CAPN2: variants seen among roughly 807,000 people sequenced by gnomAD.
CAPN2 encodes the protein calpain 2.
A neutral mutation model predicts 102.3 loss-of-function variants in CAPN2; 92 were observed. The observed-to-expected ratio is 0.90, with a 90% confidence interval of 0.76 to 1.07. The LOEUF (loss-of-function observed/expected upper bound fraction) is 1.07. CAPN2 is among the 50% of genes least tolerant of loss of function. The pLI, the probability that CAPN2 is intolerant of heterozygous loss-of-function variation, is 0.00. For missense variants in CAPN2, 800 were observed against 909.4 expected (o/e 0.88, Z 1.55); for synonymous variants, 340 against 355.4 (o/e 0.96, Z 0.49).
At chr1:223,770,103 A>G in intron 17 of CAPN2, 194 bp downstream of exon 17, 1 of 612,296 alleles carries the variant, frequency 1.6e-6, no homozygotes, top group South Asian at 1.9e-5. Context: ...TTCGCAGGTG[A>G]AATGGCCTAT....
Position 223,757,394 on chromosome 1 carries a change from A to G in CAPN2, c.1317+14A>G, listed in dbSNP as rs1661062839. 6.2e-7 allele frequency: 1 copy of G among 1,613,972 alleles called. No homozygotes were observed. On this transcript the variant is annotated intron_variant, in intron 11 of 20. Coordinates refer to ENST00000295006, the MANE Select transcript of CAPN2 (RefSeq NM_001748.5). ...GTTCCAGAGGAGGTACGTCTGGCCCATGTCCCGGGGTGCTCAGGTCACCAA... is the reference window on the plus strand; with the variant it reads ...GTTCCAGAGGAGGTACGTCTGGCCCGTGTCCCGGGGTGCTCAGGTCACCAA...
In CAPN2 at chr1:223,719,795, G is replaced by A. The variant is rs538470888; in HGVS notation, c.307+1964G>A. ...TTAGTAGCTAGTCTGTAATTTCTCA[G>A]GGGTGTGTGCGTGTGTGTGTGTGTG... On this transcript the variant is annotated intron_variant, in intron 2 of 20. Coordinates refer to ENST00000295006, the MANE Select transcript of CAPN2 (RefSeq NM_001748.5). Among the ~76,000 whole-genome samples, 41 of 129,494 alleles carry A rather than the reference G, an allele frequency of 3.2e-4. No homozygotes were observed. The South Asian group carries it at 0.011, about 35-fold the overall frequency. 85.0% of individuals were successfully genotyped at this position (129,494 alleles called of 152,430 possible). A position where few individuals can be genotyped will look rare whatever the true frequency, so the allele number is the denominator to read the frequency against.
Position 223,766,378 on chromosome 1 carries a change from A to AG in CAPN2, c.1702_1703insG (p.Lys568ArgfsTer15). ...ATTTTGTCTTTTAGGCCAAGATATC[A>AG]AGTCAGATGGCTTCAGCATCGAGAC... On this transcript the variant is annotated frameshift_variant, in exon 16 of 21. Transcript: ENST00000295006. LOFTEE classifies it high-confidence loss of function. 6.2e-7 allele frequency: 1 copy of AG among 1,613,176 alleles called. No individual in the cohort carries two copies. Among genetic ancestry groups the AG allele is most frequent in the Non-Finnish European group, 8.5e-7 (1 of 1,179,178 alleles).
chr1:223,722,571 C>T (rs575336071), intron 2 of CAPN2, among the ~76,000 whole-genome samples: 6 of 151,582 alleles, frequency 4.0e-5, no homozygotes, highest in South Asian at 2.1e-4. Flanking sequence ...ATTACAGGTG[C>T]GAGTCACCAC....
At position 223,726,377 on chromosome 1, in the gene CAPN2, A is replaced by C. The variant is rs1262855558; in HGVS notation, c.307+8546A>C. ...GCAGCCACCTCTGCTGGGGTACTGG[A>C]GATAAAAACTCTGATATTGACTAGT... On this transcript the variant is annotated intron_variant, in intron 2 of 20. Transcript: ENST00000295006. This position sits in a 1 kb window ranked among gnomAD's most constrained non-coding sequence, Gnocchi z 4.4. Among the ~76,000 whole-genome samples the C allele has an allele frequency of 6.6e-6, 1 of 152,102 alleles. No homozygotes were observed. The highest frequency in any genetic ancestry group is 1.5e-5 in the Non-Finnish European group (1 of 68,024).
rs182528983 is a variant in CAPN2, at chr1:223,729,724, C to T, written c.307+11893C>T. ...CTATCTAAAGACCTGGAATCAAGGC[C>T]GGGTGCGGTGGCTCACACCTGTAAT... On this transcript the variant is annotated intron_variant, in intron 2 of 20. Transcript: ENST00000295006. Among the ~76,000 whole-genome samples the T allele has an allele frequency of 1.4e-4, 22 of 152,220 alleles. No individual in the cohort carries two copies. In the East Asian group the frequency reaches 3.3e-3, roughly 23 times the overall value.
At chr1:223,736,073 A>C (rs148196342) in intron 2 of CAPN2, among the ~76,000 whole-genome samples, 3 of 152,188 alleles carry the variant, frequency 2.0e-5, no homozygotes, top group African/African-American at 7.2e-5. Context: ...CACCGCACCC[A>C]GCCTACTCGG....
At chr1:223,714,996 A>C (rs939039593) in intron 1 of CAPN2, among the ~76,000 whole-genome samples, 1 of 152,214 alleles carries the variant, frequency 6.6e-6, no homozygotes, top group Admixed American at 6.5e-5. Flanking sequence ...AGTTGAAGAA[A>C]TTGAGGCTTG....
In CAPN2 at chr1:223,741,435, A is replaced by ATATATATATATAT. The variant is rs1382515776; in HGVS notation, c.308-2665_308-2664insTATATATATATAT. 1.2e-3 allele frequency among the ~76,000 whole-genome samples: 48 copies of ATATATATATATAT among 40,540 alleles called. 5 individuals carry two copies. Among genetic ancestry groups the ATATATATATATAT allele is most frequent in the African/African-American group, 7.3e-3 (47 of 6,404 alleles). 26.6% of individuals were successfully genotyped at this position (40,540 alleles called of 152,430 possible). A position where few individuals can be genotyped will look rare whatever the true frequency, so the allele number is the denominator to read the frequency against. ...GGCTGTAAAATGTATATATATATAT[A>ATATATATATATAT]ATGTGTATATATATATATATATATA... On this transcript the variant is annotated intron_variant, in intron 2 of 20. Coordinates refer to ENST00000295006, the MANE Select transcript of CAPN2 (RefSeq NM_001748.5).
At chr1:223,742,484 T>TTG (rs1159825932) in intron 2 of CAPN2, among the ~76,000 whole-genome samples, 2 of 118,796 alleles carry the variant, frequency 1.7e-5, no homozygotes, top group Non-Finnish European at 3.5e-5. Context: ...ATTACATATT[T>TTG]TATATATATG....
chr1:223,743,050 T>C (rs1660662861), intron 2 of CAPN2, among the ~76,000 whole-genome samples: 1 of 152,152 alleles, frequency 6.6e-6, no homozygotes, highest in Non-Finnish European at 1.5e-5. Context: ...GTTGCTGGCA[T>C]CAGCTTGCTT....
At chr1:223,706,797 T>C (rs1458783401) in intron 1 of CAPN2, among the ~76,000 whole-genome samples, 1 of 152,160 alleles carries the variant, frequency 6.6e-6, no homozygotes, top group East Asian at 1.9e-4. Context: ...CTCCAGAACC[T>C]GGCTAGGCAC....
In CAPN2 at chr1:223,752,893, C is replaced by T. The variant is rs1660938971; in HGVS notation, c.1072C>T (p.Leu358Phe). 4 of 1,614,066 alleles carry T rather than the reference C, an allele frequency of 2.5e-6. No individual in the cohort carries two copies. Among genetic ancestry groups the T allele is most frequent in the African/African-American group, 1.3e-5 (1 of 74,914 alleles). The change falls in exon 9 of 21, where the codon CTC (leucine) becomes TTC (phenylalanine). Residue 358 changes from leucine to phenylalanine, a missense_variant. By Grantham distance (22) the Leu-to-Phe change is conservative (BLOSUM62 0). Coordinates refer to ENST00000295006, the MANE Select transcript of CAPN2 (RefSeq NM_001748.5). ...LTSDTYKKWKLTKMDGNWRRG... is the reference protein window; with the variant it reads ...LTSDTYKKWKFTKMDGNWRRG... Reference sequence around the variant, plus strand: ...CAGCGATACCTACAAGAAGTGGAAACTCACCAAAATGGATGGGAACTGGAG... The same window carrying T: ...CAGCGATACCTACAAGAAGTGGAAATTCACCAAAATGGATGGGAACTGGAG...
chr1:223,710,843 TG>T (rs1659711759), upstream of CAPN2, among the ~76,000 whole-genome samples: 7 of 143,872 alleles, frequency 4.9e-5, no homozygotes, highest in African/African-American at 1.8e-4. Flanking sequence ...CACTTTGAGT[TG>T]TCCCGCCTTT....
intron 14 of CAPN2, among the ~76,000 whole-genome samples, 160 bp from the exon 15 acceptor site, chr1:223,763,990 T>TGTACTTTTTAAGAACAGGGAA (rs1250318046): frequency 6.6e-6 from 1 of 152,196 alleles, no homozygotes; most frequent in African/African-American, 2.4e-5. Flanking sequence ...CTACTCAAAG[T>TGTACTTTTTAAGAACAGGGAA]GTGGTCTGGG....
At position 223,751,892 on chromosome 1, in the gene CAPN2, C is replaced by G. The variant is rs28370078; in HGVS notation, c.900-105C>G. 9,188 of 724,112 alleles carry G rather than the reference C, an allele frequency of 0.013. 648 individuals carry two copies. In the African/African-American group the frequency reaches 0.15, roughly 12 times the overall value. The allele number at this position is 724,112 out of a possible 1,614,324, so 44.9% of individuals were successfully genotyped here. A position where few individuals can be genotyped will look rare whatever the true frequency, so the allele number is the denominator to read the frequency against. On this transcript the variant is annotated intron_variant, in intron 7 of 20. Transcript: ENST00000295006. Reference sequence around the variant, plus strand: ...TGGGCTACTTTCCCCCTTTCTGGAGCCTGAGCCCTCAGAGGTGAGAGCAGA... The same window carrying G: ...TGGGCTACTTTCCCCCTTTCTGGAGGCTGAGCCCTCAGAGGTGAGAGCAGA...
At chr1:223,737,854 T>C (rs1319564486) in intron 2 of CAPN2, among the ~76,000 whole-genome samples, 3 of 151,942 alleles carry the variant, frequency 2.0e-5, no homozygotes, top group Non-Finnish European at 2.9e-5. Context: ...AAAAGCACCT[T>C]AGGGGCTACA....
chr1:223,772,863 A>G lies in CAPN2; in HGVS notation c.2079+624A>G, dbSNP rs41303996. Reference sequence around the variant, plus strand: ...TTCTCGTGTCATCCCAATGACAGGAAGTTCTCTCACTGAAAGAAAGAAGCC... The same window carrying G: ...TTCTCGTGTCATCCCAATGACAGGAGGTTCTCTCACTGAAAGAAAGAAGCC... On this transcript the variant is annotated intron_variant, in intron 20 of 20. Coordinates refer to ENST00000295006, the MANE Select transcript of CAPN2 (RefSeq NM_001748.5). The G allele has an allele frequency of 2.4e-3, 365 of 152,388 alleles. 3 individuals carry two copies. Among genetic ancestry groups the G allele is most frequent in the East Asian group, 0.017 (86 of 5,188 alleles). The allele number at this position is 152,388 out of a possible 1,614,324, so 9.4% of individuals were successfully genotyped here.
intron 2 of CAPN2, among the ~76,000 whole-genome samples, chr1:223,741,811 C>G (rs149554149): frequency 2.0e-5 from 3 of 148,120 alleles, no homozygotes; most frequent in Non-Finnish European, 4.5e-5. Context: ...GAGTCTCACT[C>G]TGTTGCCCAG....
Sources: gnomAD v4.1 joint callset for allele counts (sites outside exome capture counted in the v4.1 genomes callset) on GRCh38, gnomAD v4.1.1 for gene constraint, Gnocchi (gnomAD v3.1) non-coding constraint, MANE v1.5 for transcripts, NCBI Gene and HGNC (gene_info 2026-07-23, HGNC 2026-07-21) for gene names.